Variants in SLIT3 observed in about 807,000 individuals in gnomAD.
SLIT3 encodes slit homolog 3 protein.
Under a neutral mutation model 184.0 loss-of-function variants are expected in SLIT3, and 68 were observed. That is an observed-to-expected ratio of 0.37 (90% CI 0.30 to 0.45). The LOEUF (loss-of-function observed/expected upper bound fraction) is 0.45. SLIT3 is among the 20% of genes least tolerant of loss of function. SLIT3 has a pLI of 1.00. For missense variants in SLIT3, 1,707 were observed against 2,026.0 expected, an observed-to-expected ratio of 0.84 and a Z score of 3.02; for synonymous variants, 831 against 828.6, an observed-to-expected ratio of 1.00 and a Z score of -0.05.
At chr5:168,975,052 A>C (rs1754701863) in intron 4 of SLIT3, among the ~76,000 whole-genome samples, 1 of 152,190 alleles carries the variant, frequency 6.6e-6, no homozygotes, top group Non-Finnish European at 1.5e-5. Flanking sequence ...AGGCAGGTAG[A>C]AAAGTTACCA....
At chr5:169,137,839 A>T (rs1376318455) in intron 4 of SLIT3, among the ~76,000 whole-genome samples, 4 of 152,124 alleles carry the variant, frequency 2.6e-5, no homozygotes, top group African/African-American at 4.8e-5. Flanking sequence ...GTCACACCAC[A>T]GCAGCCTAGA....
intron 4 of SLIT3, among the ~76,000 whole-genome samples, chr5:168,976,604 G>T (rs1375941742): frequency 2.6e-5 from 4 of 152,192 alleles, no homozygotes. Flanking sequence ...ACAGCTGCAG[G>T]AATTAAATGA....
intron 4 of SLIT3, among the ~76,000 whole-genome samples, chr5:169,165,159 G>A (rs1375582784): frequency 6.6e-6 from 1 of 152,250 alleles, no homozygotes; most frequent in Non-Finnish European, 1.5e-5. Context: ...AAAGGCACCT[G>A]CCTTGCTACC....
intron 4 of SLIT3, among the ~76,000 whole-genome samples, chr5:168,906,814 G>T (rs1473799482): frequency 1.3e-5 from 2 of 152,064 alleles, no homozygotes; most frequent in Non-Finnish European, 2.9e-5. Context: ...AGTGCCCTTT[G>T]TCCTTGGGAG....
intron 29 of SLIT3, among the ~76,000 whole-genome samples, chr5:168,691,344 T>C (rs544406109): frequency 1.9e-4 from 29 of 152,340 alleles, no homozygotes; most frequent in African/African-American, 6.7e-4. Context: ...GATTCTGTGA[T>C]TGGGCTTTCT....
chr5:169,143,140 A>C (rs1235720248), intron 4 of SLIT3, among the ~76,000 whole-genome samples: 1 of 152,226 alleles, frequency 6.6e-6, no homozygotes, highest in Non-Finnish European at 1.5e-5. Context: ...TTCAGCTGAA[A>C]AGCAGATTAT....
At chr5:168,747,677 C>T (rs1754534710) in intron 20 of SLIT3, among the ~76,000 whole-genome samples, 1 of 152,120 alleles carries the variant, frequency 6.6e-6, no homozygotes, top group South Asian at 2.1e-4. Flanking sequence ...GAGGCTAACA[C>T]CTTTTTCGTT....
Position 169,198,976 on chromosome 5 carries a change from A to ACACACACATG in SLIT3, c.342-5427_342-5426insCATGTGTGTG, listed in dbSNP as rs1554106510. On this transcript the variant is annotated intron_variant, in intron 3 of 35. Coordinates refer to ENST00000519560, the MANE Select transcript of SLIT3 (RefSeq NM_003062.4). ...TATACACACACACACACACACACAC[A>ACACACACATG]TATGTGTGTATATTTATATATATAT... Among the ~76,000 whole-genome samples, 3 of 149,328 alleles carry ACACACACATG rather than the reference A, an allele frequency of 2.0e-5. No individual in the cohort carries two copies. In the East Asian group the frequency reaches 6.0e-4, roughly 30 times the overall value.
rs145548015 is a variant in SLIT3 at position 168,671,416 on chromosome 5, G to A, written c.3909C>T (p.His1303=). 1.2e-4 allele frequency: 191 copies of A among 1,613,886 alleles called. 1 individual carries two copies. The highest frequency in any genetic ancestry group is 1.5e-4 in the African/African-American group (11 of 74,938). The change falls in exon 34 of 36, where the codon CAC becomes CAT. Residue 1303 remains histidine, a synonymous_variant. Transcript: ENST00000519560. ...TGATGCGCACCTCATGGATGCATCC[G>A]TGGAAGCCGCCTAGAGGCCGGTCCG... ...QGTDRPLGGF[H]GCIHEVRINN...
chr5:168,814,609 T>G (rs1757271608), intron 8 of SLIT3, among the ~76,000 whole-genome samples: 1 of 152,188 alleles, frequency 6.6e-6, no homozygotes, highest in Non-Finnish European at 1.5e-5. Flanking sequence ...ATGTTTCAAC[T>G]GCACACTCAC....
chr5:169,026,217 G>A (rs1369457254), intron 4 of SLIT3: 2 of 152,152 alleles, frequency 1.3e-5, no homozygotes, highest in South Asian at 2.1e-4. Context: ...CCTTCTGTTC[G>A]AAGGGAAATG....
At chr5:169,285,457 T>C (rs138994304) in intron 1 of SLIT3, among the ~76,000 whole-genome samples, 1 of 152,148 alleles carries the variant, frequency 6.6e-6, no homozygotes, top group Non-Finnish European at 1.5e-5. Context: ...TATATAGCTG[T>C]GGAGGTTTTA....
At chr5:169,176,771 G>T (rs1387621338) in intron 4 of SLIT3, among the ~76,000 whole-genome samples, 1 of 152,222 alleles carries the variant, frequency 6.6e-6, no homozygotes, top group Non-Finnish European at 1.5e-5. Flanking sequence ...ATTTACAATA[G>T]CAGGTGGCAG....
intron 4 of SLIT3, among the ~76,000 whole-genome samples, chr5:169,184,322 A>G (rs1162823869): frequency 1.3e-5 from 2 of 152,248 alleles, no homozygotes; most frequent in Admixed American, 6.5e-5. Flanking sequence ...CACAGGAGTA[A>G]GAGGGTGAGA....
At chr5:168,920,513 C>T (rs62377193) in intron 4 of SLIT3, among the ~76,000 whole-genome samples, 2,927 of 152,252 alleles carry the variant, frequency 0.019, 33 homozygotes, top group Non-Finnish European at 0.03. Context: ...GAGACCATCA[C>T]GGCGGCACGG....
intron 4 of SLIT3, among the ~76,000 whole-genome samples, chr5:168,971,649 AC>A (rs1433721711): frequency 6.6e-6 from 1 of 152,248 alleles, no homozygotes; most frequent in African/African-American, 2.4e-5. Context: ...TTAATAAAAA[AC>A]ATTCAATAAA....
In SLIT3 at chr5:169,275,091, C is replaced by G. The variant is rs9313451; in HGVS notation, c.198-23632G>C. Among the ~76,000 whole-genome samples, 484 of 152,294 alleles carry G rather than the reference C, an allele frequency of 3.2e-3. 5 individuals carry two copies. The highest frequency in any genetic ancestry group is 0.01 in the Middle Eastern group (3 of 292). On this transcript the variant is annotated intron_variant, in intron 1 of 35. Coordinates refer to ENST00000519560, the MANE Select transcript of SLIT3 (RefSeq NM_003062.4). ...TCAAGCCAACAAATGTCAGTGCACT[C>G]GAATGCCAGATCCATTAACACAAAA...
At chr5:168,751,619 G>T (rs1754714759) in intron 18 of SLIT3, among the ~76,000 whole-genome samples, 2 of 152,158 alleles carry the variant, frequency 1.3e-5, no homozygotes, top group Non-Finnish European at 2.9e-5. Flanking sequence ...TTCCACAGAG[G>T]CTCCCTTCCC....
intron 12 of SLIT3, among the ~76,000 whole-genome samples, chr5:168,785,012 G>A (rs1041100274): frequency 5.3e-5 from 8 of 152,092 alleles, no homozygotes; most frequent in Non-Finnish European, 1.2e-4. Context: ...ATTCTGCTGT[G>A]TGACTGGGGG....
Sources: allele counts gnomAD v4.1 joint callset (sites outside exome capture counted in the v4.1 genomes callset), GRCh38; gene constraint gnomAD v4.1.1; transcripts MANE v1.5; gene names NCBI Gene and HGNC (gene_info 2026-07-23, HGNC 2026-07-21).